CSPG4: variants seen among roughly 807,000 people sequenced by gnomAD.
The protein encoded by CSPG4 is chondroitin sulfate proteoglycan 4 (melanoma-associated).
Under a neutral mutation model 139.3 loss-of-function variants are expected in CSPG4, and 74 were observed. The observed-to-expected ratio is 0.53, with a 90% CI of 0.44 to 0.64. CSPG4 has a LOEUF of 0.64. CSPG4 is among the 30% of genes least tolerant of loss of function. The probability of loss-of-function intolerance (pLI) is 0.00; values close to 1 mark genes in which losing one functional copy is unlikely to be tolerated. For missense variants in CSPG4, 2,565 were observed against 3,148.3 expected (o/e 0.81, Z 4.43); for synonymous variants, 1,234 against 1,394.2 (o/e 0.89, Z 2.56).
rs550265982 is a variant in CSPG4, at chr15:75,688,125, T to C, written c.2940A>G (p.Thr980=). ...TAGCAACAAATGGGATATCATCTTC[T>C]GTGGTCTCGGAGTCATCATGCTGGT... ...LVYQHDDSET[T]EDDIPFVATR... Residue 980 remains threonine (T), a synonymous_variant, in exon 3 of 10, where the codon ACA becomes ACG. Transcript: ENST00000308508. 2.5e-4 allele frequency: 407 copies of C among 1,612,858 alleles called. No homozygotes were observed. In the African/African-American group the frequency reaches 3.2e-3, roughly 13 times the overall value.
Position 75,677,233 on chromosome 15 carries a change from C to T in CSPG4, c.5286G>A (p.Val1762=), listed in dbSNP as rs1893907067. 2.7e-6 allele frequency: 4 copies of T among 1,483,920 alleles called. No individual in the cohort carries two copies. The highest frequency in any genetic ancestry group is 1.8e-6 in the Non-Finnish European group (2 of 1,112,846). The allele number at this position is 1,483,920 out of a possible 1,614,324, so 91.9% of individuals were successfully genotyped here. ...TQFPSRGQLL[V]SEEPLHAGQP... ...GCCCAGCATGGAGGGGCTCCTCGGA[C>T]ACCAACAGCTGGCCCCGGCTGGGGA... is the stretch of plus-strand genomic sequence containing the variant. The change falls in exon 10 of 10, where the codon GTG becomes GTA. Residue 1762 remains valine (V), a synonymous_variant. Transcript: ENST00000308508.
Position 75,674,453 on chromosome 15 carries a change from G to A in CSPG4, c.*1097C>T. 2.8e-6 allele frequency: 1 copy of A among 353,760 alleles called. No homozygotes were observed. Among genetic ancestry groups the A allele is most frequent in the East Asian group, 4.0e-5 (1 of 24,708 alleles). The allele number at this position is 353,760 out of a possible 1,614,324, so 21.9% of individuals were successfully genotyped here. A position where few individuals can be genotyped will look rare whatever the true frequency, so the allele number is the denominator to read the frequency against. On this transcript the variant is annotated 3_prime_UTR_variant, in exon 10 of 10. Coordinates refer to ENST00000308508, the MANE Select transcript of CSPG4 (RefSeq NM_001897.5). ...GGCCCACCTGCCCACACAGGTGGGG[G>A]CACAGGAGGTCTGGGAGGCCCCAGG... is the stretch of plus-strand genomic sequence containing the variant.
intron 1 of CSPG4, among the ~76,000 whole-genome samples, chr15:75,710,401 C>A (rs950752263): frequency 3.3e-5 from 5 of 152,194 alleles, no homozygotes; most frequent in South Asian, 2.1e-4. Context: ...AGCTGGACAC[C>A]GCATCTGTCA....
upstream of CSPG4, chr15:75,712,918 G>A (rs979434918): frequency 3.9e-5 from 22 of 567,698 alleles, no homozygotes; most frequent in Admixed American, 1.1e-4. Context: ...CGCCCGCTCG[G>A]GTTTCAGGCT....
rs754159916 is a variant in CSPG4, at chr15:75,682,412, C to T, written c.4831G>A (p.Ala1611Thr). The change falls in exon 8 of 10, where the codon GCA becomes ACA. Residue 1611 changes from alanine (A) to threonine (T), a missense_variant. By Grantham distance (58) the Ala-to-Thr change is moderately conservative. Coordinates refer to ENST00000308508, the MANE Select transcript of CSPG4 (RefSeq NM_001897.5). ...AGCAGGAGCTGGGGGTCAGTGCCTG[C>T]GCTGGAGCTGGCCCTGAGGGTCTGA... ...SSQTLRASSS[A>T]GTDPQLLLYR... 1.3e-5 allele frequency: 21 copies of T among 1,594,332 alleles called. No individual in the cohort carries two copies. The highest frequency in any genetic ancestry group is 2.2e-5 in the East Asian group (1 of 44,844).
rs757694313 is a variant in CSPG4, at chr15:75,712,731, G to C, written c.25C>G (p.Leu9Val). 4 of 1,558,508 alleles carry C rather than the reference G, an allele frequency of 2.6e-6. No individual in the cohort carries two copies. The African/African-American group carries it at 5.4e-5, about 21-fold the overall frequency. MQSGPRPP[L>V]PAPGLALALT... Reference sequence around the variant, plus strand: ...GCCAAGGCCAGGCCGGGGGCTGGAAGTGGGGGCCGCGGCCCGGACTGCATC... The same window carrying C: ...GCCAAGGCCAGGCCGGGGGCTGGAACTGGGGGCCGCGGCCCGGACTGCATC... Residue 9 changes from leucine (L) to valine (V), a missense_variant, in exon 1 of 10, where the codon CTT (leucine) becomes GTT (valine). Coordinates refer to ENST00000308508, the MANE Select transcript of CSPG4 (RefSeq NM_001897.5).
intron 1 of CSPG4, among the ~76,000 whole-genome samples, chr15:75,700,469 CCGAAT>C (rs1379218468): frequency 6.6e-6 from 1 of 152,168 alleles, no homozygotes; most frequent in East Asian, 1.9e-4. Flanking sequence ...CTGGGGCTGG[CCGAAT>C]CGGGAGGGCC....
Position 75,677,113 on chromosome 15 carries a change from G to A in CSPG4, c.5406C>T (p.Ala1802=), listed in dbSNP as rs1243352979. The A allele has an allele frequency of 2.8e-6, 4 of 1,410,628 alleles. No homozygotes were observed. The South Asian group carries it at 7.0e-5, about 25-fold the overall frequency. The allele number at this position is 1,410,628 out of a possible 1,614,324, so 87.4% of individuals were successfully genotyped here. A position where few individuals can be genotyped will look rare whatever the true frequency, so the allele number is the denominator to read the frequency against. ...GTQQDGFHFR[A]HLQGPAGASV... ...AGGCCCCTGCTGGCCCCTGGAGGTGGGCACGAAAGTGGAAGCCATCCTGCT... is the reference window on the plus strand; with the variant it reads ...AGGCCCCTGCTGGCCCCTGGAGGTGAGCACGAAAGTGGAAGCCATCCTGCT... The change falls in exon 10 of 10, where the codon GCC becomes GCT. Residue 1802 remains alanine, a synonymous_variant. Transcript: ENST00000308508.
At chr15:75,678,775 C>G (rs1031612992) in intron 8 of CSPG4, 6 of 456,208 alleles carry the variant, frequency 1.3e-5, no homozygotes, top group Non-Finnish European at 2.6e-5. Flanking sequence ...TTGGGTCTCT[C>G]TACCCAGGAT....
Position 75,690,728 on chromosome 15 carries a change from C to A in CSPG4, c.337G>T (p.Val113Leu). 6.2e-7 allele frequency: 1 copy of A among 1,613,194 alleles called. No individual in the cohort carries two copies. The highest frequency in any genetic ancestry group is 8.5e-7 in the Non-Finnish European group (1 of 1,180,026). ...LLSDSIPHTVVLTVVEGWATL... is the reference protein window; with the variant it reads ...LLSDSIPHTVLLTVVEGWATL... ...GCCCAGCCCTCTACGACAGTCAGCA[C>A]CACAGTGTGGGGGATGGAGTCACTC... Residue 113 changes from valine (V) to leucine (L), a missense_variant, in exon 3 of 10, where the codon GTG becomes TTG. Transcript: ENST00000308508.
At chr15:75,712,885 G>A (rs1308683111), upstream of CSPG4, 3 of 694,770 alleles carry the variant, frequency 4.3e-6, no homozygotes, top group Non-Finnish European at 6.7e-6. Context: ...TAACTCCGGG[G>A]GCGGGGCAGG....
Position 75,688,599 on chromosome 15 carries a change from A to G in CSPG4, c.2466T>C (p.His822=), listed in dbSNP as rs1410400985. 6.2e-7 allele frequency: 1 copy of G among 1,612,912 alleles called. No homozygotes were observed. ...EEAGPSPPTF[H]YEVVQAPRKG... ...TCCTGGGAGCCTGAACCACCTCATA[A>G]TGGAAGGTTGGGGGGCTTGGGCCTG... The change falls in exon 3 of 10, where the codon CAT becomes CAC. Residue 822 remains histidine, a synonymous_variant. Coordinates refer to ENST00000308508, the MANE Select transcript of CSPG4 (RefSeq NM_001897.5).
At position 75,677,037 on chromosome 15, in the gene CSPG4, C is replaced by T. The variant is rs1169430983; in HGVS notation, c.5482G>A (p.Val1828Ile). 2 of 1,431,234 alleles carry T rather than the reference C, an allele frequency of 1.4e-6. No homozygotes were observed. The highest frequency in any genetic ancestry group is 1.8e-6 in the Non-Finnish European group (2 of 1,085,904). 88.7% of individuals were successfully genotyped at this position (1,431,234 alleles called of 1,614,324 possible). ...TGTGGCTGAGGGGGCCGCTCATTTA[C>T]ATCCCTCACCGTGATGGCAAAGGCC... Reference protein sequence around the residue: ...SEAFAITVRDVNERPPQPQAS... With the variant: ...SEAFAITVRDINERPPQPQAS... The change falls in exon 10 of 10, where the codon GTA becomes ATA. Residue 1828 changes from valine to isoleucine, a missense_variant. By Grantham distance (29) the Val-to-Ile change is conservative. Coordinates refer to ENST00000308508, the MANE Select transcript of CSPG4 (RefSeq NM_001897.5).
chr15:75,688,188 G>A lies in CSPG4; in HGVS notation c.2877C>T (p.Ser959=), dbSNP rs1189335508. The change falls in exon 3 of 10, where the codon TCC becomes TCT. Residue 959 remains serine, a synonymous_variant. Transcript: ENST00000308508. ...GTQDKTTMVT[S]FTNEDLLRGR... Reference sequence around the variant, plus strand: ...CACGCAACAGGTCTTCATTGGTGAAGGATGTCACCATAGTGGTCTTGTCCT... The same window carrying A: ...CACGCAACAGGTCTTCATTGGTGAAAGATGTCACCATAGTGGTCTTGTCCT... 3.1e-6 allele frequency: 5 copies of A among 1,612,720 alleles called. No homozygotes were observed. Among genetic ancestry groups the A allele is most frequent in the Non-Finnish European group, 4.2e-6 (5 of 1,179,838 alleles).
At chr15:75,710,402 G>A (rs560694974) in intron 1 of CSPG4, among the ~76,000 whole-genome samples, 84 of 152,246 alleles carry the variant, frequency 5.5e-4, no homozygotes, top group African/African-American at 2.0e-3. Flanking sequence ...GCTGGACACC[G>A]CATCTGTCAC....
Position 75,687,898 on chromosome 15 carries a change from A to T in CSPG4, c.3167T>A (p.Leu1056Gln). The change falls in exon 3 of 10, where the codon CTG (leucine) becomes CAG (glutamine). Residue 1056 changes from leucine (L) to glutamine (Q), a missense_variant. Around this residue, in one of 5 missense-constraint regions of CSPG4, gnomAD observed 2,316 missense variants for 2,818.2 expected, o/e 0.82. Transcript: ENST00000308508. This position sits in a 1 kb window ranked among gnomAD's most constrained non-coding sequence, Gnocchi z 5.4. Reference protein sequence around the residue: ...DADSGFADAQLVLTRKDLLFG... With the variant: ...DADSGFADAQQVLTRKDLLFG... Reference sequence around the variant, plus strand: ...GAGGAGGTCCTTGCGGGTAAGCACCAGCTGGGCGTCAGCAAAGCCCGAGTC... The same window carrying T: ...GAGGAGGTCCTTGCGGGTAAGCACCTGCTGGGCGTCAGCAAAGCCCGAGTC... 1 of 1,612,958 alleles carries T rather than the reference A, an allele frequency of 6.2e-7. No individual in the cohort carries two copies. The highest frequency in any genetic ancestry group is 8.5e-7 in the Non-Finnish European group (1 of 1,180,032).
chr15:75,693,494 G>A (rs1894191273), intron 1 of CSPG4, among the ~76,000 whole-genome samples: 1 of 152,184 alleles, frequency 6.6e-6, no homozygotes, highest in Non-Finnish European at 1.5e-5. Context: ...AGCAACTCAG[G>A]TCTCCTCCTT....
intron 8 of CSPG4, chr15:75,679,021 T>C (rs567362580): frequency 1.7e-4 from 56 of 333,644 alleles, no homozygotes; most frequent in African/African-American, 1.1e-3. Flanking sequence ...TGGCCAGGTC[T>C]CCAGGCTCTT....
rs778649025 is a variant in CSPG4, at chr15:75,688,641, C to T, written c.2424G>A (p.Glu808=). 3 of 1,612,430 alleles carry T rather than the reference C, an allele frequency of 1.9e-6. No individual in the cohort carries two copies. The highest frequency in any genetic ancestry group is 2.7e-5 in the African/African-American group (2 of 74,900). The part of the protein sequence containing the change: ...QQETLTTAHL[E]ATLEEAGPSP... ...TTGGGCCTGCCTCCTCCAGGGTGGC[C>T]TCCAGGTGGGCTGTGGTGAGGGTCT... Residue 808 remains glutamate (E), a synonymous_variant, in exon 3 of 10, where the codon GAG becomes GAA. Coordinates refer to ENST00000308508, the MANE Select transcript of CSPG4 (RefSeq NM_001897.5).
Sources: gnomAD v4.1 joint callset for allele counts (sites outside exome capture counted in the v4.1 genomes callset) on GRCh38, gnomAD v4.1.1 for gene constraint, gnomAD v4.1.1 regional missense constraint, Gnocchi (gnomAD v3.1) non-coding constraint, MANE v1.5 for transcripts, NCBI Gene and HGNC (gene_info 2026-07-23, HGNC 2026-07-21) for gene names.